TRAPPC12: variants seen among roughly 807,000 people sequenced by gnomAD.
The protein encoded by TRAPPC12 is trafficking protein particle complex subunit 12, also known as TPR repeat protein 15.
In TRAPPC12, 61 loss-of-function variants were observed where a neutral mutation model predicts 69.2. The ratio of observed to expected loss-of-function variants is 0.88; its 90% CI spans 0.72 to 1.09. The LOEUF is 1.09. Among genes scored for constraint, TRAPPC12 ranks in the 50% least tolerant of loss-of-function variants. The pLI is 0.00. For missense variants in TRAPPC12, 1,101 were observed against 1,016.4 expected (o/e 1.08, Z -1.13); for synonymous variants, 469 against 438.9 (o/e 1.07, Z -0.86).
chr2:3,402,409 G>GTGAA, intron 3 of TRAPPC12, among the ~76,000 whole-genome samples: 1 of 152,202 alleles, frequency 6.6e-6, no homozygotes, highest in African/African-American at 2.4e-5. Context: ...GGCCAACATG[G>GTGAA]TGAACCCCAT....
In TRAPPC12 at chr2:3,479,237, G is replaced by T; in HGVS notation, c.1984G>T (p.Val662Leu). The T allele has an allele frequency of 6.2e-7, 1 of 1,613,826 alleles. No individual in the cohort carries two copies. The highest frequency in any genetic ancestry group is 1.1e-5 in the South Asian group (1 of 91,080). The change falls in exon 12 of 12, where the codon GTG (valine) becomes TTG (leucine). Residue 662 changes from valine to leucine, a missense_variant. Coordinates refer to ENST00000324266, the MANE Select transcript of TRAPPC12 (RefSeq NM_016030.6). ...TCCCTAGGCCAACAACAACGCTGCC[G>T]TGTGTCTGCTCTACCTGGGCAAGCT... ...RNAVANNNAAVCLLYLGKLKD... is the reference protein window; with the variant it reads ...RNAVANNNAALCLLYLGKLKD...
At chr2:3,421,674 C>A (rs1289954994) in intron 3 of TRAPPC12, 1 of 715,422 alleles carries the variant, frequency 1.4e-6, no homozygotes, top group Admixed American at 2.0e-5. Context: ...ACGCTTGGCT[C>A]TCTTATTGCC....
intron 5 of TRAPPC12, among the ~76,000 whole-genome samples, chr2:3,436,925 C>T (rs1482423323): frequency 7.1e-6 from 1 of 141,616 alleles, no homozygotes; most frequent in Non-Finnish European, 1.5e-5. Flanking sequence ...GATTAATCCC[C>T]CCACCACCCC....
rs1446811102 is a variant in TRAPPC12, at chr2:3,388,367, G to A, written c.744G>A (p.Pro248=). ...CGGGCTCCCCGGCCCCCGCCAGCCC[G>A]CCTCCCCTCGCTGTGCCCGGGACCG... ...PGAGSPAPAS[P]PPLAVPGTEG... is the part of the protein sequence containing the mutation. The change falls in exon 2 of 12, where the codon CCG becomes CCA. Residue 248 remains proline (P), a synonymous_variant. Coordinates refer to ENST00000324266, the MANE Select transcript of TRAPPC12 (RefSeq NM_016030.6). The A allele has an allele frequency of 3.1e-6, 5 of 1,596,116 alleles. No individual in the cohort carries two copies. In the African/African-American group the frequency reaches 4.1e-5, roughly 13 times the overall value.
intron 1 of TRAPPC12, among the ~76,000 whole-genome samples, chr2:3,384,138 C>T (rs1265732164): frequency 6.6e-6 from 1 of 151,978 alleles, no homozygotes; most frequent in Non-Finnish European, 1.5e-5. Context: ...TCAGGTGATC[C>T]ACCCTCCTCG....
chr2:3,435,511 C>T (rs768773336), intron 5 of TRAPPC12, among the ~76,000 whole-genome samples: 38 of 152,024 alleles, frequency 2.5e-4, no homozygotes, highest in Non-Finnish European at 4.4e-5. Context: ...ACAAAAATAT[C>T]CTCCCCACCT....
At chr2:3,381,785 G>C (rs996191515) in intron 1 of TRAPPC12, among the ~76,000 whole-genome samples, 1 of 152,164 alleles carries the variant, frequency 6.6e-6, no homozygotes, top group African/African-American at 2.4e-5. Flanking sequence ...CCCCAGTCAA[G>C]CTCTCCTGCC....
chr2:3,418,507 G>A (rs1283553832), intron 3 of TRAPPC12, among the ~76,000 whole-genome samples: 3 of 152,196 alleles, frequency 2.0e-5, no homozygotes, highest in African/African-American at 7.2e-5. Flanking sequence ...AGCGTTTTCT[G>A]TAAAAGACCA....
intron 5 of TRAPPC12, among the ~76,000 whole-genome samples, chr2:3,436,197 T>C (rs570805108): frequency 3.8e-4 from 58 of 152,326 alleles, no homozygotes; most frequent in Non-Finnish European, 5.9e-4. Flanking sequence ...CTCTTTCAGC[T>C]ACAGCTGGCC....
At chr2:3,477,657 C>T (rs927295844) in intron 9 of TRAPPC12, 38 bp from the exon 10 acceptor site, 2 of 1,314,282 alleles carry the variant, frequency 1.5e-6, no homozygotes, top group Middle Eastern at 1.9e-4. Context: ...CTTAATATTT[C>T]TTTTGTCAAC....
chr2:3,433,273 C>G (rs1424309927), intron 5 of TRAPPC12, among the ~76,000 whole-genome samples: 1 of 152,202 alleles, frequency 6.6e-6, no homozygotes, highest in African/African-American at 2.4e-5. Flanking sequence ...AAGCAGTCTT[C>G]CCAGCAAAGC....
At chr2:3,419,740 C>G (rs1489773788) in intron 3 of TRAPPC12, among the ~76,000 whole-genome samples, 1 of 152,030 alleles carries the variant, frequency 6.6e-6, no homozygotes, top group Non-Finnish European at 1.5e-5. Flanking sequence ...CCGTGGAGGC[C>G]AGTACTCACC....
Position 3,479,397 on chromosome 2 carries a change from T to A in TRAPPC12, c.2144T>A (p.Leu715Gln), listed in dbSNP as rs1465706776. The A allele has an allele frequency of 6.2e-7, 1 of 1,614,140 alleles. No individual in the cohort carries two copies. The highest frequency in any genetic ancestry group is 8.5e-7 in the Non-Finnish European group (1 of 1,180,032). ...SSRSMQKKQA[L>Q]LEAVAGKEGD... ...CGGAGCATGCAGAAGAAACAGGCCC[T>A]GCTGGAGGCTGTCGCCGGCAAGGAG... The change falls in exon 12 of 12, where the codon CTG becomes CAG. Residue 715 changes from leucine to glutamine, a missense_variant. Transcript: ENST00000324266.
intron 9 of TRAPPC12, among the ~76,000 whole-genome samples, chr2:3,468,833 T>C (rs1665939187): frequency 6.6e-6 from 1 of 152,154 alleles, no homozygotes; most frequent in Non-Finnish European, 1.5e-5. Context: ...TGGCGCACCC[T>C]GCTCACCCCC....
At position 3,430,002 on chromosome 2, in the gene TRAPPC12, A is replaced by G. The variant is rs200797052; in HGVS notation, c.1417+5339A>G. 4.7e-4 allele frequency among the ~76,000 whole-genome samples: 71 copies of G among 152,312 alleles called. 1 individual carries two copies. In the East Asian group the frequency reaches 7.7e-3, roughly 17 times the overall value. On this transcript the variant is annotated intron_variant, in intron 5 of 11. Coordinates refer to ENST00000324266, the MANE Select transcript of TRAPPC12 (RefSeq NM_016030.6). ...GTATTCTTCCAGGTCATGTTTTTAC[A>G]TATTTGCTTCATACACACACATATA...
chr2:3,400,916 C>A (rs1443125846), intron 2 of TRAPPC12, among the ~76,000 whole-genome samples: 1 of 152,188 alleles, frequency 6.6e-6, no homozygotes, highest in Non-Finnish European at 1.5e-5. Flanking sequence ...CTCTTCTGTC[C>A]CCAGGCCACA....
intron 2 of TRAPPC12, among the ~76,000 whole-genome samples, chr2:3,394,905 ATGT>A (rs916401510): frequency 8.5e-5 from 13 of 152,192 alleles, no homozygotes; most frequent in African/African-American, 2.4e-4. Flanking sequence ...TAAAGAGATA[ATGT>A]TGTATATTCT....
At chr2:3,393,272 C>T (rs1414743476) in intron 2 of TRAPPC12, among the ~76,000 whole-genome samples, 3 of 147,700 alleles carry the variant, frequency 2.0e-5, no homozygotes, top group Admixed American at 6.9e-5. Flanking sequence ...ATGAATACCA[C>T]GTGATCTCAT....
intron 3 of TRAPPC12, among the ~76,000 whole-genome samples, chr2:3,416,512 C>T (rs1662406718): frequency 8.0e-6 from 1 of 124,356 alleles, no homozygotes; most frequent in Non-Finnish European, 1.7e-5. Flanking sequence ...CTTCACTGTG[C>T]CCTCCCCCTG....
Sources: allele counts gnomAD v4.1 joint callset (sites outside exome capture counted in the v4.1 genomes callset), GRCh38; gene constraint gnomAD v4.1.1; transcripts MANE v1.5; gene names NCBI Gene and HGNC (gene_info 2026-07-23, HGNC 2026-07-21).